Variants in ERI2 observed in about 807,000 individuals in gnomAD.
ERI2 encodes ERI1 exoribonuclease family member 2.
In ERI2, 35 loss-of-function variants were observed where a neutral mutation model predicts 46.8. The ratio of observed to expected loss-of-function variants is 0.75; its 90% CI spans 0.57 to 0.99. The LOEUF (loss-of-function observed/expected upper bound fraction) is 0.99. ERI2 is among the 50% of genes least tolerant of loss of function. The probability of loss-of-function intolerance (pLI) is 0.00; values close to 1 mark genes in which losing one functional copy is unlikely to be tolerated. For synonymous variants in ERI2, 224 were observed against 271.0 expected (o/e 0.83, Z 1.70); for missense variants, 695 against 796.2 (o/e 0.87, Z 1.53).
Position 20,802,912 on chromosome 16 carries a change from C to T in ERI2, c.187G>A (p.Ala63Thr), listed in dbSNP as rs2152495764. The change falls in exon 4 of 9, where the codon GCA becomes ACA. Residue 63 changes from alanine (A) to threonine (T), a missense_variant. Coordinates refer to ENST00000357967, the MANE Select transcript of ERI2 (RefSeq NM_001142725.2). ...HHSQEIIEFP[A>T]VLLNTSTGQI... ...CCAGTTGATGTGTTCAGCAACACTG[C>T]TGGAAACTCAACTAAATGAAAGAAT... 1 of 1,585,176 alleles carries T rather than the reference C, an allele frequency of 6.3e-7. No individual in the cohort carries two copies. Among genetic ancestry groups the T allele is most frequent in the East Asian group, 2.2e-5 (1 of 44,638 alleles).
rs1567369783 is a variant in ERI2, at chr16:20,798,140, C to T, written c.1660G>A (p.Glu554Lys). Reference protein sequence around the residue: ...PAKKQPFTIHEEKPTSSDCSP... With the variant: ...PAKKQPFTIHKEKPTSSDCSP... ...CAATCAGATGATGTAGGCTTTTCTTCATGAATAGTGAAGGGTTGTTTTTTT... is the reference window on the plus strand; with the variant it reads ...CAATCAGATGATGTAGGCTTTTCTTTATGAATAGTGAAGGGTTGTTTTTTT... Residue 554 changes from glutamate to lysine, a missense_variant, in exon 9 of 9, where the codon GAA becomes AAA. Transcript: ENST00000357967. 1 of 1,551,546 alleles carries T rather than the reference C, an allele frequency of 6.4e-7. No individual in the cohort carries two copies. The highest frequency in any genetic ancestry group is 8.7e-7 in the Non-Finnish European group (1 of 1,146,912).
At chr16:20,795,669 C>T (rs79416698), downstream of ERI2, among the ~76,000 whole-genome samples, 1,836 of 152,268 alleles carry the variant, frequency 0.012, 107 homozygotes, top group Admixed American at 0.1. Context: ...TAGCCAGCTC[C>T]GGGCTGGTAA....
chr16:20,801,271 A>G lies in ERI2; in HGVS notation c.392T>C (p.Ile131Thr), dbSNP rs2080792702. The change falls in exon 5 of 9, where the codon ATT (isoleucine) becomes ACT (threonine). Residue 131 changes from isoleucine (I) to threonine (T), a missense_variant. Coordinates refer to ENST00000357967, the MANE Select transcript of ERI2 (RefSeq NM_001142725.2). ...AGGCTCTGAAATCCCAGTAGCAAAA[A>G]TAATGTTCTTCTGTTGCTGAATCTT... The part of the protein sequence containing the change: ...IHKIQQQKNI[I>T]FATGISEPSA... 5.0e-6 allele frequency: 8 copies of G among 1,612,824 alleles called. No homozygotes were observed. Among genetic ancestry groups the G allele is most frequent in the Non-Finnish European group, 5.9e-6 (7 of 1,179,414 alleles).
intron 1 of ERI2, 25 bp from the exon 2 acceptor site, chr16:20,803,695 A>G (rs1309358810): frequency 1.9e-6 from 3 of 1,611,298 alleles, no homozygotes; most frequent in Non-Finnish European, 1.7e-6. Flanking sequence ...CAATCCAAAT[A>G]TGATCAATGA....
intron 10 of ERI2, chr16:20,780,796 T>C: frequency 6.2e-7 from 1 of 1,614,238 alleles, no homozygotes; most frequent in Non-Finnish European, 8.5e-7. Flanking sequence ...AACAAGTGGA[T>C]ATCCGAAAAT....
rs2080793032 is a variant in ERI2 at position 20,801,297 on chromosome 16, A to T, written c.366T>A (p.His122Gln). 4 of 1,612,728 alleles carry T rather than the reference A, an allele frequency of 2.5e-6. No individual in the cohort carries two copies. In the East Asian group the frequency reaches 8.9e-5, roughly 36 times the overall value. Residue 122 changes from histidine (H) to glutamine (Q), a missense_variant, in exon 5 of 9, where the codon CAT becomes CAA. His to Gln is a conservative substitution (Grantham distance 24). Coordinates refer to ENST00000357967, the MANE Select transcript of ERI2 (RefSeq NM_001142725.2). Reference sequence around the variant, plus strand: ...TAATGTTCTTCTGTTGCTGAATCTTATGAATCCATTTACAGAACTGAGATA... The same window carrying T: ...TAATGTTCTTCTGTTGCTGAATCTTTTGAATCCATTTACAGAACTGAGATA... ...ICLSQFCKWI[H>Q]KIQQQKNIIF... is the part of the protein sequence containing the mutation.
intron 10 of ERI2, chr16:20,784,869 G>T (rs1206711025): frequency 7.0e-6 from 8 of 1,136,298 alleles, no homozygotes; most frequent in Non-Finnish European, 8.5e-6. Flanking sequence ...GTGCTAGGGA[G>T]AGGAATTAAA....
intron 5 of ERI2, 76 bp downstream of exon 5, chr16:20,801,127 T>C (rs911367905): frequency 2.3e-6 from 3 of 1,286,060 alleles, no homozygotes; most frequent in Non-Finnish European, 3.1e-6. Flanking sequence ...GGTTAGCAAG[T>C]ATAAAACTAG....
rs114374731 is a variant in ERI2, at chr16:20,790,020, C to T, written c.816-463G>A. On this transcript the variant is annotated intron_variant, in intron 9 of 10. Coordinates refer to the ERI2 transcript ENST00000300005. The surrounding 1 kb of genome is among the most constrained non-coding windows in gnomAD (Gnocchi z 4.0). ...ATCTATATTGTCTCAAAGGATATTA[C>T]CAAAATGTGATTATTGCTGGATGGT... Among the ~76,000 whole-genome samples, 1,012 of 152,094 alleles carry T rather than the reference C, an allele frequency of 6.7e-3. 18 individuals are homozygous for T. The highest frequency in any genetic ancestry group is 0.023 in the African/African-American group (952 of 41,500).
chr16:20,801,030 T>C (rs1246207461), intron 5 of ERI2, 173 bp downstream of exon 5: 1 of 472,834 alleles, frequency 2.1e-6, no homozygotes, highest in Non-Finnish European at 3.5e-6. Context: ...ATTTAAAAAA[T>C]ATGTATTAAT....
chr16:20,794,224 T>C (rs771858300), downstream of ERI2, among the ~76,000 whole-genome samples: 2 of 152,228 alleles, frequency 1.3e-5, no homozygotes, highest in Admixed American at 6.5e-5. Flanking sequence ...AGTTCCAGAA[T>C]TGATTAAAAA....
At chr16:20,800,139 G>T in intron 6 of ERI2, 101 bp from the exon 7 acceptor site, 1 of 906,728 alleles carries the variant, frequency 1.1e-6, no homozygotes, top group Non-Finnish European at 1.7e-6. Context: ...TTTAGAATGT[G>T]CTTATTTTTT....
At chr16:20,794,753 CT>C (rs1458706781), downstream of ERI2, among the ~76,000 whole-genome samples, 1 of 152,142 alleles carries the variant, frequency 6.6e-6, no homozygotes, top group Non-Finnish European at 1.5e-5. Context: ...ATCATAATCT[CT>C]TTTACAGAGA....
chr16:20,792,283 C>T, downstream of ERI2: 1 of 1,614,118 alleles, frequency 6.2e-7, no homozygotes, highest in Non-Finnish European at 8.5e-7. Flanking sequence ...AATGAACACC[C>T]TTCAGTTGCA....
At chr16:20,803,157 A>G (rs528672423) in intron 3 of ERI2, among the ~76,000 whole-genome samples, 46 of 152,246 alleles carry the variant, frequency 3.0e-4, no homozygotes, top group Non-Finnish European at 6.2e-4. Context: ...AAATAAATAT[A>G]AAAACCATAT....
intron 10 of ERI2, chr16:20,785,109 T>C (rs1259456297): frequency 1.2e-6 from 2 of 1,612,762 alleles, no homozygotes; most frequent in East Asian, 4.5e-5. Context: ...ACTGAAACGG[T>C]ACCTGACCTC....
chr16:20,780,881 T>A (rs998676429), intron 10 of ERI2: 6 of 1,613,850 alleles, frequency 3.7e-6, no homozygotes, highest in Non-Finnish European at 5.1e-6. Context: ...AAAGTGCAGC[T>A]TGAAGTGTCA....
intron 3 of ERI2, 52 bp from the exon 4 acceptor site, chr16:20,802,975 T>G: frequency 6.7e-7 from 1 of 1,486,052 alleles, no homozygotes. Flanking sequence ...TTTAAATTAA[T>G]CCTGTAATCA....
At chr16:20,796,311 C>T (rs748730935), downstream of ERI2, 9 of 1,580,236 alleles carry the variant, frequency 5.7e-6, no homozygotes, top group Non-Finnish European at 7.7e-6. Flanking sequence ...GCAAACAAGA[C>T]ATACTAAAAC....
Sources: gnomAD v4.1 joint callset for allele counts (sites outside exome capture counted in the v4.1 genomes callset) on GRCh38, gnomAD v4.1.1 for gene constraint, Gnocchi (gnomAD v3.1) non-coding constraint, MANE v1.5 for transcripts, NCBI Gene and HGNC (gene_info 2026-07-23, HGNC 2026-07-21) for gene names.